Variants in PSKH1 observed in about 807,000 individuals in gnomAD.
PSKH1 encodes serine/threonine-protein kinase H1.
A neutral mutation model predicts 26.7 loss-of-function variants in PSKH1; 12 were observed. That is an observed-to-expected ratio of 0.45 (90% CI 0.29 to 0.73). The LOEUF (loss-of-function observed/expected upper bound fraction) is 0.73. Ranked by LOEUF, PSKH1 falls within the 30% of genes least tolerant of loss-of-function variation. The pLI is 0.11. For missense variants in PSKH1, 431 were observed against 595.2 expected, an observed-to-expected ratio of 0.72 and a Z score of 2.87; for synonymous variants, 213 against 234.3, an observed-to-expected ratio of 0.91 and a Z score of 0.83.
In PSKH1 at chr16:67,926,228, G is replaced by T. The variant is rs181302761; in HGVS notation, c.958-1097G>T. Among the ~76,000 whole-genome samples the T allele has an allele frequency of 1.5e-4, 23 of 152,268 alleles. No homozygotes were observed. The East Asian group carries it at 4.4e-3, about 29-fold the overall frequency. On this transcript the variant is annotated intron_variant, in intron 2 of 2. Coordinates refer to ENST00000291041, the MANE Select transcript of PSKH1 (RefSeq NM_006742.3). ...AAGTGTTCCTAGGAGATGCAGGGAC[G>T]CAAGGACTCACCTGGCTGAGCCCCA...
intron 1 of PSKH1, among the ~76,000 whole-genome samples, chr16:67,896,405 G>A (rs780071755): frequency 6.6e-6 from 1 of 152,050 alleles, no homozygotes; most frequent in Non-Finnish European, 1.5e-5. Flanking sequence ...CACCACAACC[G>A]GCTAGAAGGT....
At chr16:67,902,451 C>G (rs962408607) in intron 1 of PSKH1, among the ~76,000 whole-genome samples, 4 of 151,950 alleles carry the variant, frequency 2.6e-5, no homozygotes, top group African/African-American at 9.7e-5. Flanking sequence ...CGTGCCATCA[C>G]GTCCGGGGCT....
At chr16:67,913,307 C>T (rs530356279) in intron 2 of PSKH1, among the ~76,000 whole-genome samples, 3 of 152,092 alleles carry the variant, frequency 2.0e-5, no homozygotes, top group East Asian at 3.9e-4. Flanking sequence ...CCACCACGCA[C>T]GGCTAATGTT....
chr16:67,907,982 CAA>C (rs1452301406), intron 1 of PSKH1, among the ~76,000 whole-genome samples: 1 of 152,092 alleles, frequency 6.6e-6, no homozygotes, highest in Non-Finnish European at 1.5e-5. Context: ...AAAGATGAGT[CAA>C]GAGTAATAAG....
At chr16:67,915,710 G>A (rs1246165524) in intron 2 of PSKH1, among the ~76,000 whole-genome samples, 2 of 152,154 alleles carry the variant, frequency 1.3e-5, no homozygotes, top group Non-Finnish European at 2.9e-5. Flanking sequence ...TCACTTCACA[G>A]CTAGACGGTC....
At chr16:67,910,323 A>T (rs929587028) in intron 2 of PSKH1, among the ~76,000 whole-genome samples, 2 of 152,144 alleles carry the variant, frequency 1.3e-5, no homozygotes, top group African/African-American at 4.8e-5. Context: ...GTGGGCTGAG[A>T]GGATGTGGGC....
intron 1 of PSKH1, among the ~76,000 whole-genome samples, chr16:67,903,577 C>T (rs752357840): frequency 1.9e-4 from 29 of 151,976 alleles, no homozygotes; most frequent in Non-Finnish European, 3.5e-4. Flanking sequence ...AAGCGATTCT[C>T]CTGTCTCAGC....
chr16:67,896,808 G>C (rs553457966), intron 1 of PSKH1, among the ~76,000 whole-genome samples: 2 of 152,254 alleles, frequency 1.3e-5, no homozygotes, highest in South Asian at 4.1e-4. Flanking sequence ...TTGTTAAGTT[G>C]CATAAATGAG....
intron 1 of PSKH1, among the ~76,000 whole-genome samples, chr16:67,901,094 C>T (rs1043088659): frequency 6.6e-6 from 1 of 152,136 alleles, no homozygotes; most frequent in Admixed American, 6.5e-5. Context: ...CCATTGTCCC[C>T]ACCTCTCAGC....
At chr16:67,900,474 G>C (rs1003812290) in intron 1 of PSKH1, among the ~76,000 whole-genome samples, 7 of 152,158 alleles carry the variant, frequency 4.6e-5, no homozygotes, top group African/African-American at 1.7e-4. Flanking sequence ...AAGCTTTGTG[G>C]GTTCACCAAC....
At position 67,929,116 on chromosome 16, in the gene PSKH1, C is replaced by G. The variant is rs2058228935; in HGVS notation, c.*1474C>G. The G allele has an allele frequency of 1.3e-5, 2 of 152,720 alleles. No individual in the cohort carries two copies. Among genetic ancestry groups the G allele is most frequent in the African/African-American group, 4.8e-5 (2 of 41,464 alleles). 9.5% of individuals were successfully genotyped at this position (152,720 alleles called of 1,614,324 possible). A position where few individuals can be genotyped will look rare whatever the true frequency, so the allele number is the denominator to read the frequency against. On this transcript the variant is annotated 3_prime_UTR_variant, in exon 3 of 3. Coordinates refer to ENST00000291041, the MANE Select transcript of PSKH1 (RefSeq NM_006742.3). ...GTATCTCCCCCTACCACAAACCAGG[C>G]TGGAACCCAAGCCCCTTCCTCCACA...
chr16:67,919,214 G>A (rs1368729667), intron 2 of PSKH1, among the ~76,000 whole-genome samples: 1 of 152,146 alleles, frequency 6.6e-6, no homozygotes, highest in African/African-American at 2.4e-5. Flanking sequence ...GCTTATGCTT[G>A]GATTCTCCTG....
intron 2 of PSKH1, chr16:67,910,064 T>C (rs1361194953): frequency 4.4e-6 from 2 of 456,542 alleles, no homozygotes; most frequent in African/African-American, 3.9e-5. Flanking sequence ...GCCTCATAGT[T>C]GTACCACCAA....
At chr16:67,923,922 G>A (rs557892199) in intron 2 of PSKH1, among the ~76,000 whole-genome samples, 239 of 152,324 alleles carry the variant, frequency 1.6e-3, no homozygotes, top group African/African-American at 5.5e-3. Context: ...GGCGTTGAGT[G>A]CTTTCTTAGG....
chr16:67,909,796 A>T lies in PSKH1; in HGVS notation c.957+90A>T. On this transcript the variant is annotated intron_variant, in intron 2 of 2. Coordinates refer to ENST00000291041, the MANE Select transcript of PSKH1 (RefSeq NM_006742.3). This position sits in a 1 kb window ranked among gnomAD's most constrained non-coding sequence, Gnocchi z 7.8. ...AGCTCTCAGTCAGAGGTATGTCCTC[A>T]GGGCCATGCTCGTGAGGGCCAGGCA... 8.1e-7 allele frequency: 1 copy of T among 1,235,678 alleles called. No individual in the cohort carries two copies. The highest frequency in any genetic ancestry group is 1.1e-6 in the Non-Finnish European group (1 of 880,956). 76.5% of individuals were successfully genotyped at this position (1,235,678 alleles called of 1,614,324 possible). A position where few individuals can be genotyped will look rare whatever the true frequency, so the allele number is the denominator to read the frequency against.
intron 2 of PSKH1, among the ~76,000 whole-genome samples, chr16:67,920,503 C>A (rs548721982): frequency 6.6e-6 from 1 of 152,302 alleles, no homozygotes; most frequent in African/African-American, 2.4e-5. Flanking sequence ...AAGTGATCCT[C>A]CTGCCTCGGC....
At chr16:67,925,668 G>C (rs1394095527) in intron 2 of PSKH1, among the ~76,000 whole-genome samples, 8 of 152,128 alleles carry the variant, frequency 5.3e-5, no homozygotes, top group Admixed American at 5.2e-4. Context: ...ATCTCCCCAG[G>C]AGTCACTGGG....
intron 2 of PSKH1, among the ~76,000 whole-genome samples, chr16:67,913,669 A>T (rs1226367663): frequency 6.6e-6 from 1 of 152,124 alleles, no homozygotes. Context: ...AAGTAAAGAG[A>T]AACCAGAGCC....
At chr16:67,912,590 C>T (rs1207530674) in intron 2 of PSKH1, among the ~76,000 whole-genome samples, 7 of 152,332 alleles carry the variant, frequency 4.6e-5, no homozygotes, top group East Asian at 1.9e-4. Context: ...CTCTCCCAGC[C>T]GGGTACGGTG....
Sources: allele counts gnomAD v4.1 joint callset (sites outside exome capture counted in the v4.1 genomes callset), GRCh38; gene constraint gnomAD v4.1.1; non-coding constraint Gnocchi (gnomAD v3.1); transcripts MANE v1.5; gene names NCBI Gene and HGNC (gene_info 2026-07-23, HGNC 2026-07-21).